MACROD2: variants seen among roughly 807,000 people sequenced by gnomAD.
MACROD2 encodes the protein mono-ADP ribosylhydrolase 2.
MACROD2 carries 36 observed loss-of-function variants against 70.4 expected under a neutral mutation model. The observed-to-expected ratio is 0.51, with a 90% CI of 0.39 to 0.68. MACROD2 has a LOEUF of 0.68. Among genes scored for constraint, MACROD2 ranks in the 30% least tolerant of loss-of-function variants. The pLI, the probability that MACROD2 is intolerant of heterozygous loss-of-function variation, is 0.00. For missense variants in MACROD2, 496 were observed against 538.4 expected (o/e 0.92, Z 0.78); for synonymous variants, 172 against 178.8 (o/e 0.96, Z 0.30).
chr20:15,073,753 G>T (rs1047437940), intron 5 of MACROD2, among the ~76,000 whole-genome samples: 2 of 152,088 alleles, frequency 1.3e-5, no homozygotes, highest in African/African-American at 4.8e-5. Context: ...TGTTTGCAAA[G>T]GAAACAGTAT....
At chr20:14,999,984 A>G (rs1418436992) in intron 5 of MACROD2, among the ~76,000 whole-genome samples, 2 of 152,214 alleles carry the variant, frequency 1.3e-5, no homozygotes, top group African/African-American at 2.4e-5. Flanking sequence ...TCAGGGCTAT[A>G]TATCTGTACA....
chr20:14,235,735 AT>A (rs1384795876), intron 3 of MACROD2, among the ~76,000 whole-genome samples: 2 of 152,106 alleles, frequency 1.3e-5, no homozygotes, highest in Non-Finnish European at 2.9e-5. Flanking sequence ...ATTTGATATC[AT>A]TTCCTTTCAA....
chr20:14,495,431 C>G (rs897906494), intron 4 of MACROD2, among the ~76,000 whole-genome samples: 4 of 152,146 alleles, frequency 2.6e-5, no homozygotes, highest in Admixed American at 2.6e-4. Flanking sequence ...GCAGATTTCC[C>G]TGGAATCCCA....
chr20:14,211,732 C>T (rs570116731), intron 3 of MACROD2, among the ~76,000 whole-genome samples: 17 of 152,268 alleles, frequency 1.1e-4, no homozygotes, highest in African/African-American at 3.8e-4. Flanking sequence ...GAGTGGTCAC[C>T]GTAGTGTGTC....
intron 17 of MACROD2, among the ~76,000 whole-genome samples, chr20:16,048,753 G>C (rs1024269659): frequency 2.0e-5 from 3 of 152,140 alleles, no homozygotes; most frequent in African/African-American, 7.2e-5. Context: ...TTAAAAAATT[G>C]TTAGTTTCTT....
At chr20:15,824,518 A>C (rs2147107589) in intron 8 of MACROD2, among the ~76,000 whole-genome samples, 1 of 152,058 alleles carries the variant, frequency 6.6e-6, no homozygotes, top group South Asian at 2.1e-4. Context: ...TTTTTTCTTC[A>C]CCCTTTATGC....
intron 5 of MACROD2, among the ~76,000 whole-genome samples, chr20:14,855,051 A>C (rs1254597561): frequency 1.3e-5 from 2 of 152,188 alleles, no homozygotes; most frequent in African/African-American, 2.4e-5. Context: ...AAAATTAAGT[A>C]TAAAGTGGTT....
At chr20:14,711,778 TC>T (rs1390014685) in intron 5 of MACROD2, among the ~76,000 whole-genome samples, 2 of 152,138 alleles carry the variant, frequency 1.3e-5, no homozygotes, top group Non-Finnish European at 2.9e-5. Flanking sequence ...TTTGCCCAAA[TC>T]CCAAGCATTC....
At chr20:14,499,637 G>C (rs2084894659) in intron 4 of MACROD2, among the ~76,000 whole-genome samples, 1 of 152,036 alleles carries the variant, frequency 6.6e-6, no homozygotes, top group South Asian at 2.1e-4. Context: ...GGAAGAAGAG[G>C]GAAGGTGGTT....
At chr20:15,824,422 T>C (rs2063974681) in intron 8 of MACROD2, among the ~76,000 whole-genome samples, 1 of 152,222 alleles carries the variant, frequency 6.6e-6, no homozygotes, top group African/African-American at 2.4e-5. Flanking sequence ...TAGAGATCTG[T>C]AGGGCAATTT....
At chr20:15,070,404 G>T (rs148548376) in intron 5 of MACROD2, among the ~76,000 whole-genome samples, 1 of 152,166 alleles carries the variant, frequency 6.6e-6, no homozygotes, top group African/African-American at 2.4e-5. Flanking sequence ...ATTTTACAGT[G>T]TGAGAAGGAC....
At chr20:14,312,035 C>T (rs1341954094) in intron 3 of MACROD2, among the ~76,000 whole-genome samples, 2 of 152,138 alleles carry the variant, frequency 1.3e-5, no homozygotes, top group Non-Finnish European at 2.9e-5. Flanking sequence ...TCAAAATTCT[C>T]ATTTTCATTA....
At chr20:14,795,125 T>G (rs930529847) in intron 5 of MACROD2, among the ~76,000 whole-genome samples, 2 of 151,976 alleles carry the variant, frequency 1.3e-5, no homozygotes, top group African/African-American at 4.8e-5. Flanking sequence ...TTTGAAGGGA[T>G]TGGAGGGGCC....
At chr20:15,227,051 G>C (rs544338364) in intron 5 of MACROD2, among the ~76,000 whole-genome samples, 9 of 152,222 alleles carry the variant, frequency 5.9e-5, no homozygotes, top group Non-Finnish European at 1.3e-4. Flanking sequence ...CAGCTTTGTG[G>C]ATCTGAGAGG....
chr20:15,388,600 T>C (rs1195649311), intron 6 of MACROD2, among the ~76,000 whole-genome samples: 3 of 152,182 alleles, frequency 2.0e-5, no homozygotes, highest in Admixed American at 6.6e-5. Flanking sequence ...TAATTGGGTG[T>C]CCTGTACAGT....
At chr20:15,056,784 AG>A (rs2075489424) in intron 5 of MACROD2, among the ~76,000 whole-genome samples, 1 of 152,256 alleles carries the variant, frequency 6.6e-6, no homozygotes, top group African/African-American at 2.4e-5. Flanking sequence ...CTGATGTAAC[AG>A]CAAAGAGATT....
At chr20:15,495,486 A>G (rs1190340374) in intron 7 of MACROD2, among the ~76,000 whole-genome samples, 1 of 152,244 alleles carries the variant, frequency 6.6e-6, no homozygotes, top group Non-Finnish European at 1.5e-5. Flanking sequence ...TATTCTGAAT[A>G]TAACAATCTG....
intron 4 of MACROD2, among the ~76,000 whole-genome samples, chr20:14,610,121 A>G (rs1983067106): frequency 6.6e-6 from 1 of 152,172 alleles, no homozygotes; most frequent in African/African-American, 2.4e-5. Context: ...TGGCAAACAA[A>G]TAAATGAGCA....
chr20:14,514,559 A>G (rs1335866877), intron 4 of MACROD2, among the ~76,000 whole-genome samples: 3 of 152,134 alleles, frequency 2.0e-5, no homozygotes, highest in Non-Finnish European at 4.4e-5. Context: ...CATGGGCACA[A>G]AATAAACCTC....
Sources: allele counts gnomAD v4.1 joint callset (sites outside exome capture counted in the v4.1 genomes callset), GRCh38; gene constraint gnomAD v4.1.1; transcripts MANE v1.5; gene names NCBI Gene and HGNC (gene_info 2026-07-23, HGNC 2026-07-21).